The following CDH11 variants were observed in gnomAD, a reference collection of about 807,000 sequenced individuals.
The protein encoded by CDH11 is cadherin 11.
In CDH11, 11 loss-of-function variants were observed where a neutral mutation model predicts 67.8. The ratio of observed to expected loss-of-function variants is 0.16; its 90% CI spans 0.10 to 0.27. The LOEUF is 0.27. Ranked by LOEUF, CDH11 falls within the 10% of genes least tolerant of loss-of-function variation. CDH11 has a pLI of 1.00. For missense variants in CDH11, 847 were observed against 1,031.2 expected, an observed-to-expected ratio of 0.82 and a Z score of 2.45; for synonymous variants, 419 against 400.0, an observed-to-expected ratio of 1.05 and a Z score of -0.57.
intron 3 of CDH11, among the ~76,000 whole-genome samples, chr16:64,999,703 T>C (rs2072870399): frequency 6.6e-6 from 1 of 151,934 alleles, no homozygotes; most frequent in African/African-American, 2.4e-5. Context: ...CCCAGCTCAT[T>C]TTTGTATTTT....
intron 1 of CDH11, among the ~76,000 whole-genome samples, chr16:65,102,849 G>A (rs1268505987): frequency 6.6e-6 from 1 of 152,194 alleles, no homozygotes; most frequent in African/African-American, 2.4e-5. Context: ...CAGGACAGGA[G>A]CAATGGAGCA....
Position 65,112,357 on chromosome 16 carries a change from C to T in CDH11, c.-298+9523G>A, listed in dbSNP as rs147039469. ...TCTAGGTGGCCTCTGTAGTCTCTCCCTATCATGTAGGAGTAGAATTCTGTT... is the reference window on the plus strand; with the variant it reads ...TCTAGGTGGCCTCTGTAGTCTCTCCTTATCATGTAGGAGTAGAATTCTGTT... On this transcript the variant is annotated intron_variant, in intron 1 of 12. Transcript: ENST00000268603. Among the ~76,000 whole-genome samples the T allele has an allele frequency of 6.0e-4, 91 of 152,196 alleles. 2 individuals carry two copies. In the East Asian group the frequency reaches 0.016, roughly 26 times the overall value.
intron 11 of CDH11, among the ~76,000 whole-genome samples, chr16:64,953,133 A>G (rs1190598549): frequency 1.3e-5 from 2 of 152,096 alleles, no homozygotes; most frequent in Non-Finnish European, 2.9e-5. Flanking sequence ...TTGTTGTATT[A>G]CAATTTTTTG....
upstream of CDH11, chr16:65,122,356 G>C (rs1019169687): frequency 2.2e-5 from 6 of 276,752 alleles, no homozygotes; most frequent in Non-Finnish European, 2.1e-5. Context: ...TCAGGGCTCA[G>C]ATGGAGTCTG....
chr16:65,048,087 C>G (rs762264239), intron 2 of CDH11, among the ~76,000 whole-genome samples: 4 of 152,304 alleles, frequency 2.6e-5, no homozygotes, highest in Admixed American at 1.3e-4. Context: ...TCCCCAGCAC[C>G]TAGTCCAAAG....
intron 11 of CDH11, among the ~76,000 whole-genome samples, chr16:64,962,602 G>T (rs936617901): frequency 6.6e-6 from 1 of 152,150 alleles, no homozygotes; most frequent in Non-Finnish European, 1.5e-5. Flanking sequence ...ATACACACTT[G>T]TGTGATTTTT....
chr16:64,948,440 G>A, intron 12 of CDH11: 2 of 667,086 alleles, frequency 3.0e-6, no homozygotes, highest in Non-Finnish European at 5.3e-6. Flanking sequence ...TCTTAGAAGT[G>A]GCTAATGCCA....
chr16:65,081,878 A>G (rs2074617177), intron 1 of CDH11, among the ~76,000 whole-genome samples: 1 of 152,208 alleles, frequency 6.6e-6, no homozygotes, highest in African/African-American at 2.4e-5. Flanking sequence ...TGAACACAGA[A>G]TGAATTCAAG....
At chr16:65,021,563 C>CAT (rs2073423853) in intron 2 of CDH11, among the ~76,000 whole-genome samples, 1 of 71,958 alleles carries the variant, frequency 1.4e-5, no homozygotes, top group Admixed American at 1.1e-4. Context: ...AATACACACA[C>CAT]ACACACATAT....
Position 65,004,783 on chromosome 16 carries a change from C to T in CDH11, c.87G>A (p.Gly29=), listed in dbSNP as rs2303766. ...HSHAFAPERR[G]HLRPSFHGHH... ...GCCCATGGAAGGAGGGCCGCAGGTG[C>T]CCCCGCCGCTCTGGGGCAAAGGCAT... Residue 29 remains glycine (G), a synonymous_variant, in exon 3 of 13, where the codon GGG becomes GGA. Transcript: ENST00000268603. 527 of 1,598,192 alleles carry T rather than the reference C, an allele frequency of 3.3e-4. 4 individuals carry two copies. In the East Asian group the frequency reaches 9.8e-3, roughly 30 times the overall value.
rs186416476 is a variant in CDH11 at position 65,083,724 on chromosome 16, G to C, written c.-297-29796C>G. Among the ~76,000 whole-genome samples, 6 of 152,318 alleles carry C rather than the reference G, an allele frequency of 3.9e-5. No homozygotes were observed. In the East Asian group the frequency reaches 1.2e-3, roughly 29 times the overall value. ...TAAAGGATCTAATCATCAGACATCA[G>C]GGGTGGCTGACATCACAAGAGAAAT... is the stretch of plus-strand genomic sequence containing the variant. On this transcript the variant is annotated intron_variant, in intron 1 of 12. Coordinates refer to ENST00000268603, the MANE Select transcript of CDH11 (RefSeq NM_001797.4).
chr16:65,091,308 T>A (rs1488554474), intron 1 of CDH11, among the ~76,000 whole-genome samples: 1 of 152,196 alleles, frequency 6.6e-6, no homozygotes, highest in East Asian at 1.9e-4. Context: ...TTCCACCTAT[T>A]TATTTAGTAT....
intron 4 of CDH11, among the ~76,000 whole-genome samples, chr16:64,994,256 G>A (rs1448353291): frequency 1.3e-5 from 2 of 152,096 alleles, no homozygotes; most frequent in African/African-American, 2.4e-5. Flanking sequence ...ATTCTAGGCA[G>A]GATAGATTTA....
intron 2 of CDH11, among the ~76,000 whole-genome samples, chr16:65,012,371 G>C (rs927346317): frequency 5.9e-5 from 9 of 152,216 alleles, no homozygotes; most frequent in African/African-American, 2.2e-4. Context: ...AAAACGAGGA[G>C]GTGGGTGAAT....
intron 1 of CDH11, among the ~76,000 whole-genome samples, chr16:65,069,794 G>T (rs1043326991): frequency 1.3e-5 from 2 of 152,062 alleles, no homozygotes; most frequent in African/African-American, 2.4e-5. Flanking sequence ...ACCTTAGAAG[G>T]TTCTCCCTGG....
In CDH11 at chr16:65,005,038, G is replaced by C. The variant is rs928691380; in HGVS notation, c.-169C>G. On this transcript the variant is annotated 5_prime_UTR_variant, in exon 3 of 13. Transcript: ENST00000268603. ...TCAGGGCTGCCCACGTCCCCAGTTAGCTTCTGCAAGCAGAGAGAGGTTGGA... is the reference window on the plus strand; with the variant it reads ...TCAGGGCTGCCCACGTCCCCAGTTACCTTCTGCAAGCAGAGAGAGGTTGGA... 3.0e-6 allele frequency: 4 copies of C among 1,344,946 alleles called. No homozygotes were observed. In the African/African-American group the frequency reaches 4.5e-5, roughly 15 times the overall value. The allele number at this position is 1,344,946 out of a possible 1,614,324, so 83.3% of individuals were successfully genotyped here.
At chr16:64,950,295 T>C (rs1253797923) in intron 12 of CDH11, among the ~76,000 whole-genome samples, 1 of 152,176 alleles carries the variant, frequency 6.6e-6, no homozygotes, top group East Asian at 1.9e-4. Flanking sequence ...GTCCTGCTTC[T>C]TCCTTCTTCC....
At chr16:65,098,349 C>T (rs1339917763) in intron 1 of CDH11, among the ~76,000 whole-genome samples, 1 of 152,158 alleles carries the variant, frequency 6.6e-6, no homozygotes, top group African/African-American at 2.4e-5. Context: ...AGTCTAGTTA[C>T]ATGATATATT....
chr16:64,950,993 C>A lies in CDH11; in HGVS notation c.1668G>T (p.Arg556=), dbSNP rs772565642. ...GCTTCTGCCGACTGAACCCTCCACG[C>A]CGGGCGTACACGCCTGCTGTGTTAT... ...NRDNTAGVYA[R]RGGFSRQKQD... The change falls in exon 12 of 13, where the codon CGG becomes CGT. Residue 556 remains arginine (R), a synonymous_variant. Transcript: ENST00000268603. The A allele has an allele frequency of 1.2e-6, 2 of 1,613,904 alleles. No homozygotes were observed. Among genetic ancestry groups the A allele is most frequent in the South Asian group, 2.2e-5 (2 of 91,084 alleles).
Sources: allele counts gnomAD v4.1 joint callset (sites outside exome capture counted in the v4.1 genomes callset), GRCh38; gene constraint gnomAD v4.1.1; transcripts MANE v1.5; gene names NCBI Gene and HGNC (gene_info 2026-07-23, HGNC 2026-07-21).